ACTN1: variants seen among roughly 807,000 people sequenced by gnomAD.
ACTN1 encodes the protein actinin alpha 1.
In ACTN1, 30 loss-of-function variants were observed where a neutral mutation model predicts 119.6. The ratio of observed to expected loss-of-function variants is 0.25; its 90% CI spans 0.19 to 0.34. ACTN1 has a LOEUF of 0.34. Among genes scored for constraint, ACTN1 ranks in the 10% least tolerant of loss-of-function variants. The probability of loss-of-function intolerance (pLI) is 1.00; values close to 1 mark genes in which losing one functional copy is unlikely to be tolerated. For missense variants in ACTN1, 764 were observed against 1,223.4 expected (o/e 0.62, Z 5.60); for synonymous variants, 429 against 472.6 (o/e 0.91, Z 1.20).
At chr14:68,921,852 C>T (rs776390644) in intron 2 of ACTN1, among the ~76,000 whole-genome samples, 11 of 152,136 alleles carry the variant, frequency 7.2e-5, no homozygotes, top group Non-Finnish European at 1.5e-4. Flanking sequence ...GGCTCAGCTC[C>T]AGGTCAACCC....
intron 1 of ACTN1, chr14:68,978,081 G>A (rs2037130098): frequency 2.2e-6 from 1 of 455,200 alleles, no homozygotes. Context: ...TCCCGTGGCG[G>A]GGCGCGCACC....
intron 1 of ACTN1, among the ~76,000 whole-genome samples, chr14:68,933,545 G>A (rs1182528606): frequency 6.6e-6 from 1 of 152,112 alleles, no homozygotes; most frequent in Non-Finnish European, 1.5e-5. Context: ...AGTATACTAG[G>A]GTGCATGAGA....
chr14:68,922,923 G>A (rs1157072740), intron 2 of ACTN1, among the ~76,000 whole-genome samples: 1 of 152,094 alleles, frequency 6.6e-6, no homozygotes, highest in Non-Finnish European at 1.5e-5. Context: ...CCTCATCCTG[G>A]GGCACCCTAC....
chr14:68,908,819 T>C (rs571158793), intron 6 of ACTN1, among the ~76,000 whole-genome samples: 4 of 152,308 alleles, frequency 2.6e-5, no homozygotes, highest in South Asian at 2.1e-4. Context: ...AGCTTCATGC[T>C]GAAGGCGGGA....
rs752629184 is a variant in ACTN1, at chr14:68,882,494, G to T, written c.1917C>A (p.Ala639=). The T allele has an allele frequency of 5.6e-6, 9 of 1,614,050 alleles. No individual in the cohort carries two copies. The highest frequency in any genetic ancestry group is 7.6e-6 in the Non-Finnish European group (9 of 1,180,042). The part of the protein sequence containing the change: ...ERLRKQFGAQ[A]NVIGPWIQTK... ...TCTGGATCCAGGGCCCGATGACATT[G>T]GCCTGGGCTCCAAACTGCTTGCGTA... The change falls in exon 16 of 22, where the codon GCC becomes GCA. Residue 639 remains alanine, a synonymous_variant. Transcript: ENST00000394419. This position sits in a 1 kb window ranked among gnomAD's most constrained non-coding sequence, Gnocchi z 4.5.
chr14:68,875,216 C>A (rs747818083), intron 21 of ACTN1, 199 bp from the exon 22 acceptor site: 76 of 1,434,220 alleles, frequency 5.3e-5, no homozygotes, highest in Non-Finnish European at 6.6e-5. Context: ...TTTTAAAATT[C>A]TCTCAGGTTT....
chr14:68,878,050 G>A lies in ACTN1; in HGVS notation c.2427+408C>T, dbSNP rs563467375. The A allele has an allele frequency of 9.7e-4, 180 of 185,722 alleles. 1 individual carries two copies. Among genetic ancestry groups the A allele is most frequent in the Middle Eastern group, 2.6e-3 (1 of 388 alleles). 11.5% of individuals were successfully genotyped at this position (185,722 alleles called of 1,614,324 possible). A position where few individuals can be genotyped will look rare whatever the true frequency, so the allele number is the denominator to read the frequency against. ...GGGACGGCCTGGGACAATCCAGAGG[G>A]GCGGCAGGCCCAACCAGAGTCACCG... On this transcript the variant is annotated intron_variant, in intron 20 of 21. Transcript: ENST00000394419. This position sits in a 1 kb window ranked among gnomAD's most constrained non-coding sequence, Gnocchi z 4.4.
At chr14:68,961,696 A>G (rs2036547723) in intron 1 of ACTN1, among the ~76,000 whole-genome samples, 1 of 152,314 alleles carries the variant, frequency 6.6e-6, no homozygotes, top group South Asian at 2.1e-4. Context: ...GATTCTTGCA[A>G]TACCCCCGAC....
rs1417983564 is a variant in ACTN1, at chr14:68,909,301, C to G, written c.594+17G>C. 1 of 1,613,442 alleles carries G rather than the reference C, an allele frequency of 6.2e-7. No homozygotes were observed. Among genetic ancestry groups the G allele is most frequent in the East Asian group, 2.2e-5 (1 of 44,872 alleles). ...CTGCCAGGGACCCAAAGCGGGTGGT[C>G]AGGTGGGCACACATACCTTCCGCAG... On this transcript the variant is annotated intron_variant, in intron 6 of 21. Coordinates refer to ENST00000394419, the MANE Select transcript of ACTN1 (RefSeq NM_001130004.2). The surrounding 1 kb of genome is among the most constrained non-coding windows in gnomAD (Gnocchi z 4.1).
chr14:68,918,386 C>G (rs1207125533), intron 3 of ACTN1, among the ~76,000 whole-genome samples: 5 of 151,538 alleles, frequency 3.3e-5, no homozygotes, highest in South Asian at 4.1e-4. Flanking sequence ...TCGAGACCAT[C>G]CTGGTTAACA....
chr14:68,895,134 G>T (rs2140179448), intron 8 of ACTN1, among the ~76,000 whole-genome samples: 1 of 152,236 alleles, frequency 6.6e-6, no homozygotes, highest in East Asian at 1.9e-4. Context: ...GTCAGAATGG[G>T]TTGGGAGAAC....
At position 68,890,283 on chromosome 14, in the gene ACTN1, T is replaced by A; in HGVS notation, c.1090A>T (p.Ile364Phe). The change falls in exon 11 of 22, where the codon ATC becomes TTC. Residue 364 changes from isoleucine (I) to phenylalanine (F), a missense_variant. By Grantham distance (21) the Ile-to-Phe change is conservative. Around this residue, in one of 4 missense-constraint regions of ACTN1, gnomAD observed 544 missense variants for 912.0 expected, o/e 0.60. Transcript: ENST00000394419. ...MPSEGRMVSDINNAWGCLEQV... is the reference protein window; with the variant it reads ...MPSEGRMVSDFNNAWGCLEQV... ...TCCAGGCAGCCCCAGGCATTGTTGA[T>A]GTCCTGTGGGGATGGGAGGTACAGG... is the stretch of plus-strand genomic sequence containing the variant. 2 of 1,614,150 alleles carry A rather than the reference T, an allele frequency of 1.2e-6. No individual in the cohort carries two copies. Among genetic ancestry groups the A allele is most frequent in the Non-Finnish European group, 1.7e-6 (2 of 1,180,012 alleles).
Position 68,879,142 on chromosome 14 carries a change from G to A in ACTN1, c.2281-73C>T, listed in dbSNP as rs779488360. The A allele has an allele frequency of 1.9e-5, 28 of 1,459,134 alleles. No homozygotes were observed. The highest frequency in any genetic ancestry group is 3.8e-5 in the South Asian group (3 of 78,866). The allele number at this position is 1,459,134 out of a possible 1,614,324, so 90.4% of individuals were successfully genotyped here. ...TGGAGCCGTGAGGGGGGCATGCCCC[G>A]GGGGAGGGTGGCGTGTGTGGGGAGA... On this transcript the variant is annotated intron_variant, in intron 18 of 21. Transcript: ENST00000394419. This position sits in a 1 kb window ranked among gnomAD's most constrained non-coding sequence, Gnocchi z 4.9.
intron 3 of ACTN1, among the ~76,000 whole-genome samples, chr14:68,919,501 T>C (rs1168082012): frequency 6.6e-6 from 1 of 152,262 alleles, no homozygotes; most frequent in Non-Finnish European, 1.5e-5. Flanking sequence ...AACATCTTCC[T>C]CATCACAAAG....
intron 3 of ACTN1, among the ~76,000 whole-genome samples, chr14:68,914,266 G>A (rs1218217793): frequency 6.6e-6 from 1 of 151,856 alleles, no homozygotes; most frequent in East Asian, 1.9e-4. Context: ...TTTAAAAAAT[G>A]CACTTTCATT....
intron 8 of ACTN1, among the ~76,000 whole-genome samples, chr14:68,894,230 C>A (rs1028042479): frequency 2.0e-5 from 3 of 152,124 alleles, no homozygotes; most frequent in Non-Finnish European, 4.4e-5. Context: ...AATCATGGGA[C>A]CTCTTGGGAT....
At chr14:68,950,152 G>T (rs867453892) in intron 1 of ACTN1, among the ~76,000 whole-genome samples, 38 of 152,180 alleles carry the variant, frequency 2.5e-4, no homozygotes, top group Middle Eastern at 3.4e-3. Flanking sequence ...AAACTAGCCA[G>T]GCATAGTGGC....
chr14:68,947,293 G>A (rs2035974734), intron 1 of ACTN1: 1 of 152,224 alleles, frequency 6.6e-6, no homozygotes, highest in Non-Finnish European at 1.5e-5. Flanking sequence ...TCTGTGTGGA[G>A]AAGAATGGTT....
chr14:68,921,059 G>T lies in ACTN1; in HGVS notation c.287C>A (p.Ala96Asp). ...GCCTTTGCTGGCTATGAAATCCAGGGCCTTGTTGACGTTGGAGATCTTGTG... is the reference window on the plus strand; with the variant it reads ...GCCTTTGCTGGCTATGAAATCCAGGTCCTTGTTGACGTTGGAGATCTTGTG... ...RVHKISNVNK[A>D]LDFIASKGVK... The change falls in exon 3 of 22, where the codon GCC becomes GAC. Residue 96 changes from alanine (A) to aspartate (D), a missense_variant. Transcript: ENST00000394419. 6.2e-7 allele frequency: 1 copy of T among 1,614,186 alleles called. No homozygotes were observed. Among genetic ancestry groups the T allele is most frequent in the Non-Finnish European group, 8.5e-7 (1 of 1,180,008 alleles).
Sources: gnomAD v4.1 joint callset for allele counts (sites outside exome capture counted in the v4.1 genomes callset) on GRCh38, gnomAD v4.1.1 for gene constraint, gnomAD v4.1.1 regional missense constraint, Gnocchi (gnomAD v3.1) non-coding constraint, MANE v1.5 for transcripts, NCBI Gene and HGNC (gene_info 2026-07-23, HGNC 2026-07-21) for gene names.